The following GPRIN3 variants were observed in gnomAD, a reference collection of about 807,000 sequenced individuals.
The protein encoded by GPRIN3 is GPRIN family member 3, also known as G protein-regulated inducer of neurite outgrowth 3.
Under a neutral mutation model 13.7 loss-of-function variants are expected in GPRIN3, and 12 were observed. The ratio of observed to expected loss-of-function variants is 0.87; its 90% CI spans 0.56 to 1.42. The LOEUF (loss-of-function observed/expected upper bound fraction) is 1.42, where lower values mean the gene tolerates loss of function less well. GPRIN3 is among the 40% of genes most tolerant of loss of function. The probability of loss-of-function intolerance (pLI) is 0.00; values close to 1 mark genes in which losing one functional copy is unlikely to be tolerated. For missense variants in GPRIN3, 1,009 were observed against 958.7 expected, an observed-to-expected ratio of 1.05 and a Z score of -0.69; for synonymous variants, 377 against 372.7, an observed-to-expected ratio of 1.01 and a Z score of -0.13.
chr4:89,290,258 C>T (rs76520868), intron 1 of GPRIN3, among the ~76,000 whole-genome samples: 10,362 of 152,070 alleles, frequency 0.068, 534 homozygotes, highest in Admixed American at 0.16. Flanking sequence ...GAGTGAGCCA[C>T]TGCACCTGGC....
Position 89,240,668 on chromosome 4 carries a change from G to A in GPRIN3, c.*7112C>T, listed in dbSNP as rs1366005704. ...ACCAGTCTGTGCTTCAGTTGCTGGA[G>A]TTTTCTAAGCACAAAATCTGCTACC... On this transcript the variant is annotated 3_prime_UTR_variant, in exon 2 of 2. Transcript: ENST00000609438. The A allele has an allele frequency of 1.3e-5, 2 of 152,254 alleles. No individual in the cohort carries two copies. The highest frequency in any genetic ancestry group is 3.9e-4 in the East Asian group (2 of 5,190). The allele number at this position is 152,254 out of a possible 1,614,324, so 9.4% of individuals were successfully genotyped here.
Position 89,270,565 on chromosome 4 carries a change from T to TTATATATATATATA in GPRIN3, c.-123-20346_-123-20333dup, listed in dbSNP as rs1199230242. On this transcript the variant is annotated intron_variant, in intron 1 of 1. Transcript: ENST00000609438. ...ATATATATTTATATATGTATATAAT[T>TTATATATATATATA]TATATATATATATATATATATATAT... 7.1e-3 allele frequency among the ~76,000 whole-genome samples: 583 copies of TTATATATATATATA among 82,152 alleles called. 2 individuals carry two copies. The highest frequency in any genetic ancestry group is 0.019 in the Middle Eastern group (3 of 156). 53.9% of individuals were successfully genotyped at this position (82,152 alleles called of 152,430 possible).
At position 89,238,788 on chromosome 4, in the gene GPRIN3, AT is replaced by A. The variant is rs1382880375; in HGVS notation, c.*8991del. On this transcript the variant is annotated 3_prime_UTR_variant, in exon 2 of 2. Coordinates refer to ENST00000609438, the MANE Select transcript of GPRIN3 (RefSeq NM_198281.3). Reference sequence around the variant, plus strand: ...CATGGAAAATCAACTGATTCTGCACATTCATGGTTAAAAGAACGATTTCAAT... The same window carrying A: ...CATGGAAAATCAACTGATTCTGCACATCATGGTTAAAAGAACGATTTCAAT... 6.6e-6 allele frequency: 1 copy of A among 152,226 alleles called. No individual in the cohort carries two copies. Among genetic ancestry groups the A allele is most frequent in the Admixed American group, 6.5e-5 (1 of 15,286 alleles). The allele number at this position is 152,226 out of a possible 1,614,324, so 9.4% of individuals were successfully genotyped here.
chr4:89,304,752 C>T (rs1179965510), intron 1 of GPRIN3, among the ~76,000 whole-genome samples: 1 of 152,148 alleles, frequency 6.6e-6, no homozygotes, highest in Non-Finnish European at 1.5e-5. Context: ...AGAATATACA[C>T]TCTTTGTCAT....
intron 1 of GPRIN3, among the ~76,000 whole-genome samples, chr4:89,285,395 T>C (rs1724375250): frequency 6.6e-6 from 1 of 152,128 alleles, no homozygotes; most frequent in Non-Finnish European, 1.5e-5. Flanking sequence ...TTTATGAGAT[T>C]GATTTGAGTA....
chr4:89,286,452 A>C (rs1168662947), intron 1 of GPRIN3, among the ~76,000 whole-genome samples: 2 of 152,130 alleles, frequency 1.3e-5, no homozygotes, highest in African/African-American at 4.8e-5. Flanking sequence ...GTGCTTTCCT[A>C]CACTGTGTCT....
In GPRIN3 at chr4:89,270,585, A is replaced by T. The variant is rs998733697; in HGVS notation, c.-123-20352T>A. Among the ~76,000 whole-genome samples, 6 of 85,494 alleles carry T rather than the reference A, an allele frequency of 7.0e-5. No homozygotes were observed. The South Asian group carries it at 1.2e-3, about 17-fold the overall frequency. The allele number at this position is 85,494 out of a possible 152,430, so 56.1% of individuals were successfully genotyped here. ...ATAATTTATATATATATATATATAT[A>T]TATATATATATATATAAAATATAGA... is the stretch of plus-strand genomic sequence containing the variant. On this transcript the variant is annotated intron_variant, in intron 1 of 1. Coordinates refer to ENST00000609438, the MANE Select transcript of GPRIN3 (RefSeq NM_198281.3).
rs372742196 is a variant in GPRIN3, at chr4:89,247,743, C to A, written c.*37G>T. ...GACATAGAGGGACGCATGTGAATAC[C>A]GTAAATTTATACACAAACTCCCATA... On this transcript the variant is annotated 3_prime_UTR_variant, in exon 2 of 2. Coordinates refer to ENST00000609438, the MANE Select transcript of GPRIN3 (RefSeq NM_198281.3). 6.4e-7 allele frequency: 1 copy of A among 1,556,652 alleles called. No homozygotes were observed. The highest frequency in any genetic ancestry group is 1.2e-5 in the South Asian group (1 of 81,204).
rs201502719 is a variant in GPRIN3 at position 89,270,046 on chromosome 4, C to G, written c.-123-19813G>C. Among the ~76,000 whole-genome samples, 4 of 152,128 alleles carry G rather than the reference C, an allele frequency of 2.6e-5. No individual in the cohort carries two copies. The East Asian group carries it at 5.8e-4, about 22-fold the overall frequency. Reference sequence around the variant, plus strand: ...TCTCATTTAAGGAGAAAATATTTAGCATGATTTGTCCATTCATTACCATGT... The same window carrying G: ...TCTCATTTAAGGAGAAAATATTTAGGATGATTTGTCCATTCATTACCATGT... On this transcript the variant is annotated intron_variant, in intron 1 of 1. Transcript: ENST00000609438.
chr4:89,242,957 A>G lies in GPRIN3; in HGVS notation c.*4823T>C, dbSNP rs878876205. On this transcript the variant is annotated 3_prime_UTR_variant, in exon 2 of 2. Coordinates refer to ENST00000609438, the MANE Select transcript of GPRIN3 (RefSeq NM_198281.3). ...TCAGGATTGTTTGTTGCTGCTATCT[A>G]CACATATATACAGATGCACTGGATT... The G allele has an allele frequency of 6.6e-6, 1 of 152,206 alleles. No homozygotes were observed. The highest frequency in any genetic ancestry group is 1.5e-5 in the Non-Finnish European group (1 of 68,030). The allele number at this position is 152,206 out of a possible 1,614,324, so 9.4% of individuals were successfully genotyped here.
At chr4:89,263,029 T>C (rs934910287) in intron 1 of GPRIN3, among the ~76,000 whole-genome samples, 8 of 152,356 alleles carry the variant, frequency 5.3e-5, no homozygotes, top group Admixed American at 4.6e-4. Flanking sequence ...ACATACAAAA[T>C]TTAGAAAACA....
rs552873132 is a variant in GPRIN3, at chr4:89,249,361, G to T, written c.750C>A (p.Pro250=). 6.2e-7 allele frequency: 1 copy of T among 1,614,102 alleles called. No homozygotes were observed. The highest frequency in any genetic ancestry group is 1.7e-5 in the Admixed American group (1 of 60,020). Residue 250 remains proline (P), a synonymous_variant, in exon 2 of 2, where the codon CCC becomes CCA. Coordinates refer to ENST00000609438, the MANE Select transcript of GPRIN3 (RefSeq NM_198281.3). ...CTTGGGGGCCCGAGGCAGTGACAGA[G>T]GGCTGCTTGTTCTCTGAACATCCAG... ...RESGCSENKQ[P]SVTASGPQGT...
At chr4:89,287,982 A>T (rs557085691) in intron 1 of GPRIN3, among the ~76,000 whole-genome samples, 158 of 152,322 alleles carry the variant, frequency 1.0e-3, no homozygotes, top group African/African-American at 3.7e-3. Context: ...GACCAAAAAA[A>T]TTCTTTTCAT....
chr4:89,266,871 C>T (rs578222923), intron 1 of GPRIN3, among the ~76,000 whole-genome samples: 10 of 152,110 alleles, frequency 6.6e-5, no homozygotes, highest in African/African-American at 2.4e-4. Context: ...GAAAGAAAAA[C>T]CTTAGGAATA....
At chr4:89,262,648 G>C (rs900610637) in intron 1 of GPRIN3, among the ~76,000 whole-genome samples, 1 of 152,110 alleles carries the variant, frequency 6.6e-6, no homozygotes, top group Non-Finnish European at 1.5e-5. Flanking sequence ...TATCCATCTT[G>C]GTTATCTAAA....
At chr4:89,269,675 A>G (rs749947262) in intron 1 of GPRIN3, among the ~76,000 whole-genome samples, 7 of 152,184 alleles carry the variant, frequency 4.6e-5, no homozygotes, top group Admixed American at 1.3e-4. Context: ...ACAAGACAAA[A>G]TATGGTCTTC....
rs1008534441 is a variant in GPRIN3 at position 89,282,583 on chromosome 4, A to AT, written c.-124+25031dup. Among the ~76,000 whole-genome samples the AT allele has an allele frequency of 5.9e-4, 83 of 141,436 alleles. 1 individual carries two copies. The highest frequency in any genetic ancestry group is 2.2e-3 in the African/African-American group (77 of 35,714). 92.8% of individuals were successfully genotyped at this position (141,436 alleles called of 152,430 possible). A position where few individuals can be genotyped will look rare whatever the true frequency, so the allele number is the denominator to read the frequency against. Reference sequence around the variant, plus strand: ...TGTAAACTTTCTTAAAACATATGTGATTTTTTTGCAATTTTTTTTTTTTTT... The same window carrying AT: ...TGTAAACTTTCTTAAAACATATGTGATTTTTTTTGCAATTTTTTTTTTTTTT... On this transcript the variant is annotated intron_variant, in intron 1 of 1. Coordinates refer to ENST00000609438, the MANE Select transcript of GPRIN3 (RefSeq NM_198281.3).
At chr4:89,254,128 G>GGGGTGTGTGTGTGTGTGT (rs150483417) in intron 1 of GPRIN3, among the ~76,000 whole-genome samples, 38 of 147,642 alleles carry the variant, frequency 2.6e-4, no homozygotes, top group African/African-American at 3.5e-4. Context: ...GTTGCATCTG[G>GGGGTGTGTGTGTGTGTGT]GTGTGTGTGT....
chr4:89,297,809 T>C (rs1026787321), intron 1 of GPRIN3, among the ~76,000 whole-genome samples: 1 of 152,188 alleles, frequency 6.6e-6, no homozygotes, highest in Non-Finnish European at 1.5e-5. Flanking sequence ...TCCCCAATAA[T>C]GATCTGACTC....
Sources: allele counts gnomAD v4.1 joint callset (sites outside exome capture counted in the v4.1 genomes callset), GRCh38; gene constraint gnomAD v4.1.1; transcripts MANE v1.5; gene names NCBI Gene and HGNC (gene_info 2026-07-23, HGNC 2026-07-21).